STRIP2: variants seen among roughly 807,000 people sequenced by gnomAD.
STRIP2 encodes striatin-interacting protein 2.
STRIP2 carries 84 observed loss-of-function variants against 107.1 expected under a neutral mutation model. That is an observed-to-expected ratio of 0.78 (90% CI 0.66 to 0.94). STRIP2 has a LOEUF of 0.94. Ranked by LOEUF, STRIP2 falls within the 40% of genes least tolerant of loss-of-function variation. The pLI is 0.00. For missense variants in STRIP2, 888 were observed against 1,034.2 expected, an observed-to-expected ratio of 0.86 and a Z score of 1.94; for synonymous variants, 394 against 400.4, an observed-to-expected ratio of 0.98 and a Z score of 0.19.
intron 18 of STRIP2, among the ~76,000 whole-genome samples, chr7:129,479,664 AT>A (rs570783754): frequency 1.6e-4 from 24 of 151,542 alleles, no homozygotes; most frequent in African/African-American, 5.3e-4. Context: ...TAATTTTTTA[AT>A]TTTTTTAGTA....
At position 129,453,238 on chromosome 7, in the gene STRIP2, G is replaced by A. The variant is rs1444837497; in HGVS notation, c.421G>A (p.Glu141Lys). 5.0e-6 allele frequency: 8 copies of A among 1,614,102 alleles called. No homozygotes were observed. The highest frequency in any genetic ancestry group is 1.7e-4 in the Middle Eastern group (1 of 6,060). The change falls in exon 5 of 21, where the codon GAA (glutamate) becomes AAA (lysine). Residue 141 changes from glutamate to lysine, a missense_variant. Transcript: ENST00000249344. ...GTCTGGTCCTTTAGGTACTTTTGGGGAATGTGATTCAGAGGTCGATGTGCT... is the reference window on the plus strand; with the variant it reads ...GTCTGGTCCTTTAGGTACTTTTGGGAAATGTGATTCAGAGGTCGATGTGCT... The part of the protein sequence containing the change: ...VLYLAQGTFG[E>K]CDSEVDVLHW...
chr7:129,454,397 C>T, intron 6 of STRIP2, 24 bp from the exon 7 acceptor site: 1 of 1,592,594 alleles, frequency 6.3e-7, no homozygotes, highest in Non-Finnish European at 8.6e-7. Flanking sequence ...TTGGGAACCT[C>T]TTGTGACTCT....
At chr7:129,472,225 A>C (rs1156662547) in intron 18 of STRIP2, among the ~76,000 whole-genome samples, 1 of 152,186 alleles carries the variant, frequency 6.6e-6, no homozygotes, top group African/African-American at 2.4e-5. Context: ...AGGGCATTTC[A>C]GAAGATAAAG....
chr7:129,479,185 A>C (rs1799051556), intron 18 of STRIP2, among the ~76,000 whole-genome samples: 1 of 151,752 alleles, frequency 6.6e-6, no homozygotes, highest in African/African-American at 2.4e-5. Flanking sequence ...GAGGCAGGAG[A>C]ATTGCTTGAA....
intron 8 of STRIP2, among the ~76,000 whole-genome samples, 175 bp from the exon 9 acceptor site, chr7:129,456,264 C>G (rs568874051): frequency 3.3e-5 from 5 of 151,284 alleles, no homozygotes; most frequent in African/African-American, 1.2e-4. Flanking sequence ...CCTCAGTTGC[C>G]GTGGGGATGG....
intron 20 of STRIP2, 44 bp from the exon 21 acceptor site, chr7:129,485,535 T>G: frequency 6.2e-7 from 1 of 1,607,016 alleles, no homozygotes; most frequent in Non-Finnish European, 8.5e-7. Context: ...AGAGGAGCAG[T>G]GTCTTGCATT....
At position 129,485,895 on chromosome 7, in the gene STRIP2, C is replaced by A; in HGVS notation, c.*66C>A. The A allele has an allele frequency of 1.3e-6, 2 of 1,580,230 alleles. No individual in the cohort carries two copies. The highest frequency in any genetic ancestry group is 1.1e-5 in the South Asian group (1 of 88,354). On this transcript the variant is annotated 3_prime_UTR_variant, in exon 21 of 21. Transcript: ENST00000249344. ...TCCAATAAACTGTGCTCTGCCTACC[C>A]TGTCCATACAGGCGCTGTTACCAGT...
chr7:129,470,822 C>G (rs1234592397), intron 18 of STRIP2, 107 bp downstream of exon 18: 15 of 901,444 alleles, frequency 1.7e-5, no homozygotes, highest in Non-Finnish European at 2.7e-5. Context: ...TTGAGAGTCT[C>G]AGATCAATGA....
chr7:129,482,881 G>A lies in STRIP2; in HGVS notation c.2089G>A (p.Ala697Thr). 6.2e-7 allele frequency: 1 copy of A among 1,614,092 alleles called. No individual in the cohort carries two copies. The highest frequency in any genetic ancestry group is 2.2e-5 in the East Asian group (1 of 44,884). Reference protein sequence around the residue: ...VFKSAPILKRALKVKQAMLQL... With the variant: ...VFKSAPILKRTLKVKQAMLQL... ...TAAATCGGCACCAATCTTAAAGCGG[G>A]CCCTCAAGGTCAAACAGGCCATGCT... The change falls in exon 20 of 21, where the codon GCC becomes ACC. Residue 697 changes from alanine (A) to threonine (T), a missense_variant. Physicochemically the swap from Ala to Thr is moderately conservative, Grantham distance 58. Transcript: ENST00000249344.
chr7:129,467,671 G>T (rs1342220833), intron 17 of STRIP2, among the ~76,000 whole-genome samples: 1 of 152,128 alleles, frequency 6.6e-6, no homozygotes, highest in East Asian at 1.9e-4. Context: ...ACTGAAAAAT[G>T]TCATGACTTA....
chr7:129,454,469 G>T lies in STRIP2; in HGVS notation c.648G>T (p.Glu216Asp), dbSNP rs193223811. 2.7e-5 allele frequency: 44 copies of T among 1,614,182 alleles called. No individual in the cohort carries two copies. The East Asian group carries it at 7.4e-4, about 27-fold the overall frequency. ...TAATGGTGGAAAATATTCGCCTGGA[G>T]CGAGAGACAGACCCCTGTGGGTGGA... ...MYLMVENIRL[E>D]RETDPCGWRT... The change falls in exon 7 of 21, where the codon GAG (glutamate) becomes GAT (aspartate). Residue 216 changes from glutamate (E) to aspartate (D), a missense_variant. Glu to Asp is a conservative substitution (Grantham distance 45, BLOSUM62 2). Coordinates refer to ENST00000249344, the MANE Select transcript of STRIP2 (RefSeq NM_020704.3).
At chr7:129,475,936 C>T (rs531287259) in intron 18 of STRIP2, among the ~76,000 whole-genome samples, 1 of 152,276 alleles carries the variant, frequency 6.6e-6, no homozygotes, top group Admixed American at 6.5e-5. Flanking sequence ...TAGTACAGAA[C>T]GAAATGGAGT....
In STRIP2 at chr7:129,454,419, A is replaced by G; in HGVS notation, c.600-2A>G. The G allele has an allele frequency of 6.2e-7, 1 of 1,611,234 alleles. No individual in the cohort carries two copies. Among genetic ancestry groups the G allele is most frequent in the Non-Finnish European group, 8.5e-7 (1 of 1,177,434 alleles). On this transcript the variant is annotated splice_acceptor_variant, in intron 6 of 20. Coordinates refer to ENST00000249344, the MANE Select transcript of STRIP2 (RefSeq NM_020704.3). LOFTEE classifies it high-confidence loss of function. ...CCTCTTGTGACTCTTCTGTAACCCCAGGGTGCTGCTGAGTGTTATGTACCT... is the reference window on the plus strand; with the variant it reads ...CCTCTTGTGACTCTTCTGTAACCCCGGGGTGCTGCTGAGTGTTATGTACCT...
intron 18 of STRIP2, among the ~76,000 whole-genome samples, chr7:129,479,491 C>CTTTTTTTTTTTTTTTTTTT (rs10558221): frequency 7.3e-6 from 1 of 136,370 alleles, no homozygotes; most frequent in Non-Finnish European, 1.6e-5. Context: ...AATAATGTTT[C>CTTTTTTTTTTTTTTTTTTT]TTTTTTTTTT....
At chr7:129,468,274 C>A (rs1173476442) in intron 17 of STRIP2, among the ~76,000 whole-genome samples, 1 of 152,144 alleles carries the variant, frequency 6.6e-6, no homozygotes, top group Non-Finnish European at 1.5e-5. Context: ...AGAGATATTG[C>A]CACACTAGTT....
At chr7:129,475,708 G>A (rs530780075) in intron 18 of STRIP2, among the ~76,000 whole-genome samples, 1 of 152,106 alleles carries the variant, frequency 6.6e-6, no homozygotes, top group Non-Finnish European at 1.5e-5. Flanking sequence ...AGAGGACCCT[G>A]CGGCCTACCG....
At position 129,462,299 on chromosome 7, in the gene STRIP2, G is replaced by T. The variant is rs1014907333; in HGVS notation, c.1477-667G>T. Among the ~76,000 whole-genome samples the T allele has an allele frequency of 1.8e-4, 28 of 152,198 alleles. 1 individual carries two copies. The highest frequency in any genetic ancestry group is 6.5e-5 in the Admixed American group (1 of 15,280). ...GGCGGGTTATTCTTCCCTGCCTCAG[G>T]GTCTCATGGCAGTGGCCCCTTGCCC... On this transcript the variant is annotated intron_variant, in intron 13 of 20. Coordinates refer to ENST00000249344, the MANE Select transcript of STRIP2 (RefSeq NM_020704.3).
At chr7:129,484,688 CAT>C (rs763169446) in intron 20 of STRIP2, 5 of 152,198 alleles carry the variant, frequency 3.3e-5, no homozygotes, top group Non-Finnish European at 7.3e-5. Context: ...CTAAAGGAAA[CAT>C]ATGATAGGCA....
chr7:129,470,295 G>T (rs2151011434), intron 17 of STRIP2, among the ~76,000 whole-genome samples: 1 of 152,318 alleles, frequency 6.6e-6, no homozygotes, highest in African/African-American at 2.4e-5. Context: ...CAGTGTCTGT[G>T]GGAGCAGTTA....
Sources: gnomAD v4.1 joint callset for allele counts (sites outside exome capture counted in the v4.1 genomes callset) on GRCh38, gnomAD v4.1.1 for gene constraint, MANE v1.5 for transcripts, NCBI Gene and HGNC (gene_info 2026-07-23, HGNC 2026-07-21) for gene names.